GRIK2: variants seen among roughly 807,000 people sequenced by gnomAD.
GRIK2 encodes the protein glutamate receptor ionotropic, kainate 2.
GRIK2 carries 32 observed loss-of-function variants against 100.3 expected under a neutral mutation model. The ratio of observed to expected loss-of-function variants is 0.32; its 90% confidence interval spans 0.24 to 0.43. The LOEUF (loss-of-function observed/expected upper bound fraction) is 0.43. Among genes scored for constraint, GRIK2 ranks in the 20% least tolerant of loss-of-function variants. The probability of loss-of-function intolerance (pLI) is 1.00; values close to 1 mark genes in which losing one functional copy is unlikely to be tolerated. For missense variants in GRIK2, 843 were observed against 1,114.9 expected (o/e 0.76, Z 3.47); for synonymous variants, 417 against 389.4 (o/e 1.07, Z -0.83).
chr6:101,955,917 T>C (rs1018985704), intron 14 of GRIK2, among the ~76,000 whole-genome samples: 1 of 152,088 alleles, frequency 6.6e-6, no homozygotes, highest in African/African-American at 2.4e-5. Flanking sequence ...GTTTTTATTA[T>C]TTTCTTCCTT....
intron 2 of GRIK2, among the ~76,000 whole-genome samples, chr6:101,546,015 C>A (rs1776213021): frequency 6.6e-6 from 1 of 151,802 alleles, no homozygotes; most frequent in Non-Finnish European, 1.5e-5. Flanking sequence ...CCATTCATCT[C>A]TTCCATGCAG....
rs571279489 is a variant in GRIK2 at position 101,395,680 on chromosome 6, G to GT, written c.-294+1850dup. On this transcript the variant is annotated intron_variant, in intron 1 of 16. Transcript: ENST00000369134. ...ATATAGTGAAAGATGAAGCTAGTGGGTTTTTTTGTTATTGTTGGAAGAAGC... is the reference window on the plus strand; with the variant it reads ...ATATAGTGAAAGATGAAGCTAGTGGGTTTTTTTTGTTATTGTTGGAAGAAGC... 3.9e-3 allele frequency among the ~76,000 whole-genome samples: 600 copies of GT among 151,966 alleles called. 5 individuals carry two copies. The highest frequency in any genetic ancestry group is 0.014 in the African/African-American group (576 of 41,490).
intron 10 of GRIK2, among the ~76,000 whole-genome samples, chr6:101,828,887 G>A (rs929766760): frequency 6.6e-6 from 1 of 151,854 alleles, no homozygotes; most frequent in South Asian, 2.1e-4. Context: ...AATTTGAGGT[G>A]GAAGGACTCT....
chr6:101,584,004 T>C (rs78474423), intron 2 of GRIK2, among the ~76,000 whole-genome samples: 1 of 152,236 alleles, frequency 6.6e-6, no homozygotes, highest in African/African-American at 2.4e-5. Flanking sequence ...CCATCTGTCA[T>C]TGAGTATTGG....
chr6:101,820,690 C>T (rs1781902991), intron 10 of GRIK2, among the ~76,000 whole-genome samples: 1 of 152,214 alleles, frequency 6.6e-6, no homozygotes, highest in African/African-American at 2.4e-5. Context: ...GATCCGCCTG[C>T]CTCAGCCTCC....
intron 2 of GRIK2, among the ~76,000 whole-genome samples, chr6:101,513,003 T>C (rs1774396688): frequency 6.6e-6 from 1 of 151,920 alleles, no homozygotes; most frequent in Admixed American, 6.6e-5. Context: ...CCATTAAATA[T>C]TATTATTTTA....
chr6:101,533,463 A>G (rs1027393132), intron 2 of GRIK2, among the ~76,000 whole-genome samples: 2 of 152,002 alleles, frequency 1.3e-5, no homozygotes, highest in African/African-American at 4.8e-5. Context: ...CAAAAGAGGC[A>G]TGAGTCAAGT....
Position 101,399,208 on chromosome 6 carries a change from TCTACC to T in GRIK2, c.-68_-64del. 1.2e-6 allele frequency: 1 copy of T among 805,296 alleles called. No homozygotes were observed. The highest frequency in any genetic ancestry group is 2.2e-6 in the Non-Finnish European group (1 of 444,706). The allele number at this position is 805,296 out of a possible 1,614,324, so 49.9% of individuals were successfully genotyped here. On this transcript the variant is annotated 5_prime_UTR_variant, in exon 2 of 17. Transcript: ENST00000369134. ...GGTCACCACTCGACGCATCCTCATTTCTACCCGAACCCAGGAGCCGAACGCTAGAT... is the reference window on the plus strand; with the variant it reads ...GGTCACCACTCGACGCATCCTCATTTCGAACCCAGGAGCCGAACGCTAGAT...
intron 2 of GRIK2, among the ~76,000 whole-genome samples, chr6:101,552,226 T>C (rs1039780857): frequency 3.9e-5 from 6 of 152,188 alleles, no homozygotes; most frequent in African/African-American, 1.4e-4. Flanking sequence ...AAATTTGAGC[T>C]GAAAGTTTTC....
At chr6:101,744,515 C>G (rs1470284711) in intron 7 of GRIK2, 36 of 68,016 alleles carry the variant, frequency 5.3e-4, no homozygotes, top group African/African-American at 1.9e-3. Flanking sequence ...TGTGTGTGTG[C>G]GTGCGCGCAT....
At chr6:101,461,967 T>C (rs1178776973) in intron 2 of GRIK2, among the ~76,000 whole-genome samples, 1 of 152,204 alleles carries the variant, frequency 6.6e-6, no homozygotes, top group Admixed American at 6.5e-5. Context: ...AAGCTGAGAA[T>C]TGATTCACAA....
At chr6:101,842,356 T>C (rs1245116666) in intron 10 of GRIK2, among the ~76,000 whole-genome samples, 1 of 152,240 alleles carries the variant, frequency 6.6e-6, no homozygotes, top group Middle Eastern at 3.4e-3. Context: ...ACTCATACCT[T>C]TTTCTGGTGG....
chr6:101,728,988 C>T (rs1775068666), intron 7 of GRIK2, among the ~76,000 whole-genome samples: 1 of 151,928 alleles, frequency 6.6e-6, no homozygotes, highest in Non-Finnish European at 1.5e-5. Flanking sequence ...TCTTTGTTAG[C>T]AGTCAGCAAC....
At chr6:101,491,879 A>ATG (rs1562176166) in intron 2 of GRIK2, among the ~76,000 whole-genome samples, 1 of 151,508 alleles carries the variant, frequency 6.6e-6, no homozygotes, top group Non-Finnish European at 1.5e-5. Context: ...ATATATATAT[A>ATG]TGTGTGTTTG....
rs1233048108 is a variant in GRIK2 at position 102,070,048 on chromosome 6, A to C, written c.*1537A>C. On this transcript the variant is annotated 3_prime_UTR_variant, in exon 17 of 17. Coordinates refer to ENST00000369134, the MANE Select transcript of GRIK2 (RefSeq NM_021956.5). ...TGTTTGAATCCAATGCACAAAATTA[A>C]AAAAAATCATTAAAACTATGTTCAT... 1 of 152,022 alleles carries C rather than the reference A, an allele frequency of 6.6e-6. No homozygotes were observed. 9.4% of individuals were successfully genotyped at this position (152,022 alleles called of 1,614,324 possible).
intron 4 of GRIK2, among the ~76,000 whole-genome samples, chr6:101,663,298 CCTAA>C: frequency 6.6e-6 from 1 of 152,202 alleles, no homozygotes; most frequent in African/African-American, 2.4e-5. Context: ...CAGCAGGCTA[CCTAA>C]TCAGCCGCTG....
chr6:101,451,705 G>C (rs1025039757), intron 2 of GRIK2, among the ~76,000 whole-genome samples: 4 of 139,328 alleles, frequency 2.9e-5, no homozygotes, highest in East Asian at 2.2e-4. Context: ...AGGGGGGGGG[G>C]GGTGCCAAAT....
At chr6:102,063,972 T>C (rs772360248) in intron 16 of GRIK2, 2 of 1,513,028 alleles carry the variant, frequency 1.3e-6, no homozygotes, top group Admixed American at 1.7e-5. Flanking sequence ...GAATCTTCTA[T>C]TTGGTTAGTG....
In GRIK2 at chr6:101,560,576, A is replaced by T. The variant is rs527623259; in HGVS notation, c.116-61373A>T. Among the ~76,000 whole-genome samples the T allele has an allele frequency of 1.5e-4, 23 of 151,966 alleles. 1 individual carries two copies. The highest frequency in any genetic ancestry group is 4.6e-4 in the African/African-American group (19 of 41,474). The stretch of plus-strand genomic sequence containing the variant: ...GTAGATAATTAGAAACTGGACATTT[A>T]AAAAAAATTGATAATTAAACAACAA... On this transcript the variant is annotated intron_variant, in intron 2 of 16. Transcript: ENST00000369134.
Sources: gnomAD v4.1 joint callset for allele counts (sites outside exome capture counted in the v4.1 genomes callset) on GRCh38, gnomAD v4.1.1 for gene constraint, MANE v1.5 for transcripts, NCBI Gene and HGNC (gene_info 2026-07-23, HGNC 2026-07-21) for gene names.